Variants in SEC61A1 observed in about 807,000 individuals in gnomAD.
SEC61A1 encodes SEC61 translocon subunit alpha 1.
A neutral mutation model predicts 55.2 loss-of-function variants in SEC61A1; 15 were observed. That is an observed-to-expected ratio of 0.27 (90% CI 0.18 to 0.42). The LOEUF (loss-of-function observed/expected upper bound fraction) is 0.42, where lower values mean the gene tolerates loss of function less well. Among genes scored for constraint, SEC61A1 ranks in the 10% least tolerant of loss-of-function variants. The probability of loss-of-function intolerance (pLI) is 1.00; values close to 1 mark genes in which losing one functional copy is unlikely to be tolerated. For synonymous variants in SEC61A1, 247 were observed against 234.0 expected (o/e 1.06, Z -0.51); for missense variants, 284 against 602.6 (o/e 0.47, Z 5.53).
chr3:128,052,605 C>T (rs577280766), intron 1 of SEC61A1, 46 bp downstream of exon 1: 3 of 1,578,094 alleles, frequency 1.9e-6, no homozygotes, highest in East Asian at 4.6e-5. Flanking sequence ...CGGAACAGAT[C>T]CCCCTTCCCC....
rs962235592 is a variant in SEC61A1, at chr3:128,055,404, A to G, written c.76-112A>G. On this transcript the variant is annotated intron_variant, in intron 2 of 11. Transcript: ENST00000243253. ...GTTTGGCTTCTCTGCTGAACAGAGA[A>G]AAGAGTCTGGTTGGAGTCCATTTTT... 3.6e-5 allele frequency: 31 copies of G among 849,430 alleles called. No homozygotes were observed. The African/African-American group carries it at 4.3e-4, about 12-fold the overall frequency. The allele number at this position is 849,430 out of a possible 1,614,324, so 52.6% of individuals were successfully genotyped here. A position where few individuals can be genotyped will look rare whatever the true frequency, so the allele number is the denominator to read the frequency against.
At position 128,060,154 on chromosome 3, in the gene SEC61A1, G is replaced by T; in HGVS notation, c.405G>T (p.Gly135=). 7 of 1,614,144 alleles carry T rather than the reference G, an allele frequency of 4.3e-6. No individual in the cohort carries two copies. Among genetic ancestry groups the T allele is most frequent in the Non-Finnish European group, 5.9e-6 (7 of 1,180,002 alleles). Residue 135 remains glycine, a synonymous_variant, in exon 6 of 12, where the codon GGG becomes GGT. Coordinates refer to ENST00000243253, the MANE Select transcript of SEC61A1 (RefSeq NM_013336.4). ...IGQSIVYVMT[G]MYGDPSEMGA... is the part of the protein sequence containing the mutation. ...AGTCTATCGTGTATGTGATGACCGGGATGTATGGGGACCCTTCTGAAATGG... is the reference window on the plus strand; with the variant it reads ...AGTCTATCGTGTATGTGATGACCGGTATGTATGGGGACCCTTCTGAAATGG...
At chr3:128,052,801 C>G (rs377093471) in intron 1 of SEC61A1, 34 bp from the exon 2 acceptor site, 5 of 1,593,676 alleles carry the variant, frequency 3.1e-6, no homozygotes, top group East Asian at 2.2e-5. Context: ...TTCTCTGTGT[C>G]CCAACTCTTC....
At chr3:128,057,829 A>G (rs1233143952) in intron 5 of SEC61A1, among the ~76,000 whole-genome samples, 1 of 3,690 alleles carries the variant, frequency 2.7e-4, no homozygotes, top group Non-Finnish European at 6.3e-4. Flanking sequence ...CATTGCACTC[A>G]AACATGGGGG....
Position 128,067,972 on chromosome 3 carries a change from G to T in SEC61A1, c.1168-11G>T, listed in dbSNP as rs1337586647. Reference sequence around the variant, plus strand: ...TCCAATTCCAACTTCTCCCCTGTGGGCACCCTGCAGGTTGCAAAGCAGCTG... The same window carrying T: ...TCCAATTCCAACTTCTCCCCTGTGGTCACCCTGCAGGTTGCAAAGCAGCTG... On this transcript the variant is annotated splice_polypyrimidine_tract_variant and intron_variant, in intron 10 of 11. Coordinates refer to ENST00000243253, the MANE Select transcript of SEC61A1 (RefSeq NM_013336.4). This position sits in a 1 kb window ranked among gnomAD's most constrained non-coding sequence, Gnocchi z 4.1. The T allele has an allele frequency of 6.2e-7, 1 of 1,612,688 alleles. No individual in the cohort carries two copies. The highest frequency in any genetic ancestry group is 1.3e-5 in the African/African-American group (1 of 74,922).
intron 1 of SEC61A1, 123 bp downstream of exon 1, chr3:128,052,682 C>G (rs958218487): frequency 1.3e-6 from 2 of 1,527,438 alleles, no homozygotes; most frequent in East Asian, 2.4e-5. Flanking sequence ...GGCCCGTGCC[C>G]CCGGCCCTTC....
intron 5 of SEC61A1, 102 bp downstream of exon 5, chr3:128,056,942 T>TA: frequency 7.2e-6 from 7 of 968,202 alleles, no homozygotes; most frequent in South Asian, 4.0e-5. Context: ...TTTTTATTTT[T>TA]TTTTTTTTTT....
rs776911938 is a variant in SEC61A1 at position 128,055,692 on chromosome 3, T to C, written c.161T>C (p.Met54Thr). Residue 54 changes from methionine to threonine, a missense_variant, in exon 4 of 12, where the codon ATG (methionine) becomes ACG (threonine). By Grantham distance (81) the Met-to-Thr change is moderately conservative. Coordinates refer to ENST00000243253, the MANE Select transcript of SEC61A1 (RefSeq NM_013336.4). ...TCCCAGATTCCCCTGTTTGGGATCA[T>C]GTCTTCAGATTCAGCTGACCCTTTC... ...VCCQIPLFGI[M>T]SSDSADPFYW... 6.2e-7 allele frequency: 1 copy of C among 1,614,184 alleles called. No individual in the cohort carries two copies. Among genetic ancestry groups the C allele is most frequent in the Non-Finnish European group, 8.5e-7 (1 of 1,179,986 alleles).
chr3:128,067,186 A>C lies in SEC61A1; in HGVS notation c.975+35A>C. 1.3e-6 allele frequency: 2 copies of C among 1,589,922 alleles called. No homozygotes were observed. The highest frequency in any genetic ancestry group is 1.7e-6 in the Non-Finnish European group (2 of 1,158,066). On this transcript the variant is annotated intron_variant, in intron 9 of 11. Coordinates refer to ENST00000243253, the MANE Select transcript of SEC61A1 (RefSeq NM_013336.4). The surrounding 1 kb of genome is among the most constrained non-coding windows in gnomAD (Gnocchi z 4.1). ...CTCTTTGAAGATGAGCTAGCAATGCAGCTAAGTTGCAGTGGTTTCTATCAG... is the reference window on the plus strand; with the variant it reads ...CTCTTTGAAGATGAGCTAGCAATGCCGCTAAGTTGCAGTGGTTTCTATCAG...
chr3:128,053,693 G>A lies in SEC61A1; in HGVS notation c.75+791G>A, dbSNP rs2335772. On this transcript the variant is annotated intron_variant, in intron 2 of 11. Coordinates refer to ENST00000243253, the MANE Select transcript of SEC61A1 (RefSeq NM_013336.4). ...TGCCCATGTGCTGCTTTTAATGGAC[G>A]AATTTGTAAAGCTTTACCCCCTCAA... Among the ~76,000 whole-genome samples, 5 of 152,076 alleles carry A rather than the reference G, an allele frequency of 3.3e-5. No individual in the cohort carries two copies. The East Asian group carries it at 7.7e-4, about 23-fold the overall frequency.
At chr3:128,051,987 C>T (rs1941680661), upstream of SEC61A1, 1 of 1,110,938 alleles carries the variant, frequency 9.0e-7, no homozygotes, top group Non-Finnish European at 1.3e-6. Context: ...GCGGTAGACG[C>T]TGGGATAAGG....
intron 7 of SEC61A1, among the ~76,000 whole-genome samples, chr3:128,061,890 G>A (rs1941857297): frequency 6.6e-6 from 1 of 152,222 alleles, no homozygotes; most frequent in African/African-American, 2.4e-5. Flanking sequence ...TAGCAGCCCA[G>A]TAGTAGCCGC....
chr3:128,056,247 A>G (rs1043571581), intron 4 of SEC61A1, among the ~76,000 whole-genome samples: 1 of 152,240 alleles, frequency 6.6e-6, no homozygotes, highest in East Asian at 1.9e-4. Context: ...TTTAAAAAAT[A>G]TAGTTCAATT....
rs1019711788 is a variant in SEC61A1 at position 128,066,583 on chromosome 3, C to T, written c.778-371C>T. The T allele has an allele frequency of 5.7e-5, 13 of 228,912 alleles. No individual in the cohort carries two copies. The Middle Eastern group carries it at 4.6e-3, about 80-fold the overall frequency. 14.2% of individuals were successfully genotyped at this position (228,912 alleles called of 1,614,324 possible). On this transcript the variant is annotated intron_variant, in intron 8 of 11. Transcript: ENST00000243253. ...GACTACAGGCGCGCACCACCACACC[C>T]GGCCAGTTTTGTTTATTTTTTGTAG...
upstream of SEC61A1, chr3:128,051,655 G>A: frequency 1.4e-6 from 2 of 1,412,606 alleles, no homozygotes; most frequent in Admixed American, 3.0e-5. Context: ...ACACCGCCAT[G>A]CTTTGCCCAC....
chr3:128,056,809 A>G lies in SEC61A1; in HGVS notation c.321A>G (p.Lys107=), dbSNP rs968654137. 1.9e-6 allele frequency: 3 copies of G among 1,609,514 alleles called. No individual in the cohort carries two copies. In the African/African-American group the frequency reaches 4.0e-5, roughly 22 times the overall value. ...AKIIEVGDTP[K]DRALFNGAQK... ...TAATTGAAGTTGGTGACACCCCAAA[A>G]GACCGAGCTCTCTTCAACGGAGCCC... The change falls in exon 5 of 12, where the codon AAA becomes AAG. Residue 107 remains lysine (K), a synonymous_variant. Transcript: ENST00000243253.
Position 128,070,236 on chromosome 3 carries a change from C to A in SEC61A1, c.*574C>A, listed in dbSNP as rs917673025. 6.6e-6 allele frequency: 1 copy of A among 152,350 alleles called. No individual in the cohort carries two copies. Among genetic ancestry groups the A allele is most frequent in the African/African-American group, 2.4e-5 (1 of 41,460 alleles). The allele number at this position is 152,350 out of a possible 1,614,324, so 9.4% of individuals were successfully genotyped here. Reference sequence around the variant, plus strand: ...AGTGATTTTTTTAAGGACAGAACTTCTTCCAAAAGAGAGGGATGGCTTTCC... The same window carrying A: ...AGTGATTTTTTTAAGGACAGAACTTATTCCAAAAGAGAGGGATGGCTTTCC... On this transcript the variant is annotated 3_prime_UTR_variant, in exon 12 of 12. Transcript: ENST00000243253.
upstream of SEC61A1, chr3:128,051,978 C>T: frequency 8.2e-7 from 1 of 1,218,692 alleles, no homozygotes; most frequent in Non-Finnish European, 1.2e-6. Flanking sequence ...ACGGGCGCCG[C>T]GGTAGACGCT....
At position 128,070,127 on chromosome 3, in the gene SEC61A1, C is replaced by T. The variant is rs2107655562; in HGVS notation, c.*465C>T. The T allele has an allele frequency of 6.5e-6, 1 of 154,636 alleles. No individual in the cohort carries two copies. The highest frequency in any genetic ancestry group is 1.9e-4 in the East Asian group (1 of 5,214). 9.6% of individuals were successfully genotyped at this position (154,636 alleles called of 1,614,324 possible). ...TCCCGGAGACGTGGGACCTTGCTGG[C>T]ATGTCTCCTTCACAATCAGGCGTGG... On this transcript the variant is annotated 3_prime_UTR_variant, in exon 12 of 12. Coordinates refer to ENST00000243253, the MANE Select transcript of SEC61A1 (RefSeq NM_013336.4).
Sources: allele counts gnomAD v4.1 joint callset (sites outside exome capture counted in the v4.1 genomes callset), GRCh38; gene constraint gnomAD v4.1.1; non-coding constraint Gnocchi (gnomAD v3.1); transcripts MANE v1.5; gene names NCBI Gene and HGNC (gene_info 2026-07-23, HGNC 2026-07-21).